Variants in BCAS3 observed in about 807,000 individuals in gnomAD.
BCAS3 encodes BCAS3 microtubule associated cell migration factor.
A neutral mutation model predicts 116.1 loss-of-function variants in BCAS3; 53 were observed. The observed-to-expected ratio is 0.46, with a 90% CI of 0.37 to 0.57. BCAS3 has a LOEUF of 0.57. Ranked by LOEUF, BCAS3 falls within the 20% of genes least tolerant of loss-of-function variation. BCAS3 has a pLI of 0.00. For missense variants in BCAS3, 917 were observed against 1,165.4 expected (o/e 0.79, Z 3.10); for synonymous variants, 391 against 408.2 (o/e 0.96, Z 0.51).
At chr17:60,989,909 T>G (rs1013044034) in intron 14 of BCAS3, 62 bp from the exon 15 acceptor site, 17 of 1,536,386 alleles carry the variant, frequency 1.1e-5, no homozygotes, top group Non-Finnish European at 1.4e-5. Flanking sequence ...TGATGTGTGA[T>G]ACTCTTAGAA....
At chr17:61,306,415 A>G (rs2053862428) in intron 22 of BCAS3, among the ~76,000 whole-genome samples, 1 of 152,362 alleles carries the variant, frequency 6.6e-6, no homozygotes, top group Non-Finnish European at 1.5e-5. Flanking sequence ...TTTTAAATGA[A>G]AAAACAATTC....
intron 6 of BCAS3, among the ~76,000 whole-genome samples, chr17:60,752,132 T>C (rs2042525266): frequency 1.3e-5 from 2 of 150,478 alleles, no homozygotes; most frequent in African/African-American, 4.9e-5. Flanking sequence ...TTTGTTTATA[T>C]GTATTACATG....
At chr17:60,968,368 A>G (rs1226961233) in intron 14 of BCAS3, among the ~76,000 whole-genome samples, 1 of 152,018 alleles carries the variant, frequency 6.6e-6, no homozygotes, top group Non-Finnish European at 1.5e-5. Context: ...GGCACGTGAC[A>G]CCATACCTGG....
intron 10 of BCAS3, among the ~76,000 whole-genome samples, chr17:60,892,870 C>G (rs1025348582): frequency 6.6e-6 from 1 of 151,836 alleles, no homozygotes; most frequent in Non-Finnish European, 1.5e-5. Context: ...TGCGGTGAGC[C>G]GAGATCATGC....
rs1024107669 is a variant in BCAS3, at chr17:61,068,043, G to C, written c.2030-6877G>C. On this transcript the variant is annotated intron_variant, in intron 19 of 23. Transcript: ENST00000407086. This position sits in a 1 kb window ranked among gnomAD's most constrained non-coding sequence, Gnocchi z 4.3. Reference sequence around the variant, plus strand: ...TTTCCTTTTCAGTTTGGCAGATAAGGTGTGTTTGAAAATTACTGTACTAAG... The same window carrying C: ...TTTCCTTTTCAGTTTGGCAGATAAGCTGTGTTTGAAAATTACTGTACTAAG... 1.3e-5 allele frequency among the ~76,000 whole-genome samples: 2 copies of C among 152,000 alleles called. No individual in the cohort carries two copies. Among genetic ancestry groups the C allele is most frequent in the African/African-American group, 4.8e-5 (2 of 41,384 alleles).
At chr17:61,064,648 A>G (rs1484423204) in intron 19 of BCAS3, among the ~76,000 whole-genome samples, 2 of 152,210 alleles carry the variant, frequency 1.3e-5, no homozygotes, top group African/African-American at 2.4e-5. Flanking sequence ...AGTGAAATCT[A>G]TTAGTTTATA....
intron 5 of BCAS3, among the ~76,000 whole-genome samples, chr17:60,715,412 TC>T (rs2038474570): frequency 6.6e-6 from 1 of 151,948 alleles, no homozygotes; most frequent in Admixed American, 6.6e-5. Context: ...GTATACTCTT[TC>T]TTTCATCACT....
At position 60,995,019 on chromosome 17, in the gene BCAS3, C is replaced by T. The variant is rs1350014547; in HGVS notation, c.1486+4784C>T. Among the ~76,000 whole-genome samples the T allele has an allele frequency of 6.6e-6, 1 of 152,150 alleles. No individual in the cohort carries two copies. The highest frequency in any genetic ancestry group is 1.5e-5 in the Non-Finnish European group (1 of 68,032). On this transcript the variant is annotated intron_variant, in intron 15 of 23. Coordinates refer to ENST00000407086, the MANE Select transcript of BCAS3 (RefSeq NM_017679.5). This position sits in a 1 kb window ranked among gnomAD's most constrained non-coding sequence, Gnocchi z 4.7. ...TTGAGACGGGGTCTCGCTCTGTCACCCAGGCTGGAGTGCAGTGGCGCCATC... is the reference window on the plus strand; with the variant it reads ...TTGAGACGGGGTCTCGCTCTGTCACTCAGGCTGGAGTGCAGTGGCGCCATC...
At chr17:60,888,435 A>T (rs1013834276) in intron 9 of BCAS3, among the ~76,000 whole-genome samples, 1 of 152,178 alleles carries the variant, frequency 6.6e-6, no homozygotes, top group Non-Finnish European at 1.5e-5. Flanking sequence ...ACTTTCTTAT[A>T]GATCATATTT....
chr17:61,237,272 G>A (rs758636125), intron 22 of BCAS3, among the ~76,000 whole-genome samples: 5 of 152,122 alleles, frequency 3.3e-5, no homozygotes, highest in African/African-American at 4.8e-5. Flanking sequence ...ACCAATCAGC[G>A]CTCTGTAAAG....
At chr17:61,003,774 TTTTTA>T (rs1358564656) in intron 15 of BCAS3, 1 of 152,186 alleles carries the variant, frequency 6.6e-6, no homozygotes. Context: ...TAATAATTCA[TTTTTA>T]TTTTATTCAT....
intron 10 of BCAS3, among the ~76,000 whole-genome samples, chr17:60,895,721 A>T (rs750001132): frequency 6.6e-6 from 1 of 152,104 alleles, no homozygotes; most frequent in Admixed American, 6.6e-5. Context: ...TGTATTCCAC[A>T]GTTTTGGTAT....
At chr17:60,808,560 T>C (rs2048496336) in intron 7 of BCAS3, among the ~76,000 whole-genome samples, 1 of 152,228 alleles carries the variant, frequency 6.6e-6, no homozygotes, top group Admixed American at 6.5e-5. Flanking sequence ...TCATGGAGTC[T>C]TGATTATTGT....
chr17:61,153,902 CA>C (rs1461682560), intron 22 of BCAS3, among the ~76,000 whole-genome samples: 4 of 152,178 alleles, frequency 2.6e-5, no homozygotes, highest in African/African-American at 9.7e-5. Context: ...AACCAACCAA[CA>C]ACCACACACA....
chr17:60,797,317 G>A (rs773678620), intron 6 of BCAS3, among the ~76,000 whole-genome samples: 20 of 152,064 alleles, frequency 1.3e-4, no homozygotes, highest in Non-Finnish European at 2.6e-4. Context: ...TAATGCTGCA[G>A]TGAACATAGT....
intron 22 of BCAS3, among the ~76,000 whole-genome samples, chr17:61,328,785 AC>A (rs1400042807): frequency 1.3e-5 from 2 of 151,806 alleles, no homozygotes; most frequent in African/African-American, 4.8e-5. Context: ...GACAACAAAA[AC>A]AAAATGCCAG....
rs890330796 is a variant in BCAS3, at chr17:61,082,681, T to G, written c.2328-1786T>G. Among the ~76,000 whole-genome samples, 1 of 152,188 alleles carries G rather than the reference T, an allele frequency of 6.6e-6. No homozygotes were observed. The highest frequency in any genetic ancestry group is 6.5e-5 in the Admixed American group (1 of 15,280). ...CAAGGAAACTTCTTTTCCAGACACT[T>G]TAAATAAACTTCTCTTTTCTAACTG... On this transcript the variant is annotated intron_variant, in intron 21 of 23. Coordinates refer to ENST00000407086, the MANE Select transcript of BCAS3 (RefSeq NM_017679.5). The surrounding 1 kb of genome is among the most constrained non-coding windows in gnomAD (Gnocchi z 5.1).
chr17:60,784,297 ATTT>A (rs777660468), intron 6 of BCAS3, among the ~76,000 whole-genome samples: 10 of 114,834 alleles, frequency 8.7e-5, no homozygotes, highest in African/African-American at 2.9e-4. Context: ...AATGAAACAA[ATTT>A]TTTTTTTTTT....
At chr17:60,969,939 TATCTC>T (rs1333301729) in intron 14 of BCAS3, among the ~76,000 whole-genome samples, 15 of 152,266 alleles carry the variant, frequency 9.9e-5, no homozygotes, top group African/African-American at 3.6e-4. Flanking sequence ...CAAACAACAA[TATCTC>T]TCAAGGATGA....
Sources: allele counts gnomAD v4.1 joint callset (sites outside exome capture counted in the v4.1 genomes callset), GRCh38; gene constraint gnomAD v4.1.1; non-coding constraint Gnocchi (gnomAD v3.1); transcripts MANE v1.5; gene names NCBI Gene and HGNC (gene_info 2026-07-23, HGNC 2026-07-21).